LAMB1: variants seen among roughly 807,000 people sequenced by gnomAD.
LAMB1 encodes the protein laminin subunit beta-1.
LAMB1 carries 121 observed loss-of-function variants against 222.3 expected under a neutral mutation model. That is an observed-to-expected ratio of 0.54 (90% confidence interval 0.47 to 0.63). The LOEUF (loss-of-function observed/expected upper bound fraction) is 0.63. Ranked by LOEUF, LAMB1 falls within the 30% of genes least tolerant of loss-of-function variation. The pLI, the probability that LAMB1 is intolerant of heterozygous loss-of-function variation, is 0.00. For synonymous variants in LAMB1, 794 were observed against 807.2 expected (o/e 0.98, Z 0.28); for missense variants, 2,172 against 2,240.8 (o/e 0.97, Z 0.62).
At chr7:107,933,040 G>C (rs565432492) in intron 27 of LAMB1, among the ~76,000 whole-genome samples, 1 of 152,266 alleles carries the variant, frequency 6.6e-6, no homozygotes, top group South Asian at 2.1e-4. Flanking sequence ...ACAAACAAAG[G>C]AACAAAGGTA....
At chr7:107,976,505 C>T (rs575110470) in intron 9 of LAMB1, among the ~76,000 whole-genome samples, 5 of 152,296 alleles carry the variant, frequency 3.3e-5, no homozygotes, top group African/African-American at 7.2e-5. Context: ...ATCTCGCTCT[C>T]GGGCTTAACA....
chr7:108,001,654 C>G lies in LAMB1; in HGVS notation c.117G>C (p.Thr39=), dbSNP rs775159202. Residue 39 remains threonine, a synonymous_variant, in exon 3 of 34, where the codon ACG becomes ACC. Transcript: ENST00000222399. ...GTGCTCGGCCGATGAGAAGGTCGCC[C>G]GTGGCGGGATAGCAGCTGCCTTCTG... ...GCAEGSCYPA[T]GDLLIGRAQK... 1.2e-6 allele frequency: 2 copies of G among 1,612,642 alleles called. No individual in the cohort carries two copies. Among genetic ancestry groups the G allele is most frequent in the Non-Finnish European group, 1.7e-6 (2 of 1,179,824 alleles).
Position 107,955,476 on chromosome 7 carries a change from C to T in LAMB1, c.2845G>A (p.Gly949Arg), listed in dbSNP as rs768457739. Residue 949 changes from glycine (G) to arginine (R), a missense_variant, in exon 21 of 34, where the codon GGA (glycine) becomes AGA (arginine). Gly to Arg is a moderately radical substitution (Grantham distance 125). Transcript: ENST00000222399. ...TATGCACACGACTTACCAATGTATC[C>T]AGGATCACAAACACAGGCAAGCTGT... The part of the protein sequence containing the change: ...TLQLACVCDP[G>R]YIGSRCDDCA... The T allele has an allele frequency of 6.2e-7, 1 of 1,613,672 alleles. No individual in the cohort carries two copies. The highest frequency in any genetic ancestry group is 1.1e-5 in the South Asian group (1 of 91,008).
At chr7:107,936,432 C>T (rs1349945518) in intron 26 of LAMB1, 1 of 152,194 alleles carries the variant, frequency 6.6e-6, no homozygotes, top group Non-Finnish European at 1.5e-5. Context: ...GGAGGATATG[C>T]ATAGGTTATA....
At chr7:107,932,098 T>A in intron 28 of LAMB1, 76 bp downstream of exon 28, 1 of 1,285,618 alleles carries the variant, frequency 7.8e-7, no homozygotes, top group South Asian at 1.2e-5. Flanking sequence ...AGAATTGATT[T>A]CTCCCTTTCA....
At chr7:107,997,975 A>G (rs1378742850) in intron 4 of LAMB1, among the ~76,000 whole-genome samples, 1 of 152,164 alleles carries the variant, frequency 6.6e-6, no homozygotes, top group Non-Finnish European at 1.5e-5. Flanking sequence ...AGTGGGGGCT[A>G]TGATTCTGCC....
chr7:107,953,634 T>C lies in LAMB1; in HGVS notation c.2975A>G (p.Lys992Arg). The C allele has an allele frequency of 1.2e-6, 2 of 1,614,180 alleles. No homozygotes were observed. The highest frequency in any genetic ancestry group is 1.7e-5 in the Admixed American group (1 of 60,024). Residue 992 changes from lysine (K) to arginine (R), a missense_variant, in exon 22 of 34, where the codon AAG (lysine) becomes AGG (arginine). Transcript: ENST00000222399. ...GCACTTGAGACACCTCCCAGTCTCCTTGTCACAGGCTTCTGGGTCTGTCGT... is the reference window on the plus strand; with the variant it reads ...GCACTTGAGACACCTCCCAGTCTCCCTGTCACAGGCTTCTGGGTCTGTCGT... ...IDTTDPEACD[K>R]ETGRCLKCLY... is the part of the protein sequence containing the mutation.
At chr7:107,961,416 G>A (rs901015644) in intron 16 of LAMB1, 87 bp from the exon 17 acceptor site, 9 of 1,578,338 alleles carry the variant, frequency 5.7e-6, no homozygotes, top group Middle Eastern at 1.7e-4. Context: ...GCTCTGCATC[G>A]ATAATTCCAA....
chr7:107,941,260 A>C (rs1235849398), intron 24 of LAMB1, among the ~76,000 whole-genome samples: 2 of 152,206 alleles, frequency 1.3e-5, no homozygotes, highest in Non-Finnish European at 2.9e-5. Context: ...TAGATTCCCA[A>C]ATTTCAGGTG....
chr7:107,959,520 CA>C, intron 19 of LAMB1, 40 bp from the exon 20 acceptor site: 3 of 1,610,358 alleles, frequency 1.9e-6, no homozygotes, highest in Non-Finnish European at 2.5e-6. Context: ...TTGAGAAACT[CA>C]TTCAATGGAA....
intron 7 of LAMB1, among the ~76,000 whole-genome samples, chr7:107,983,707 G>A (rs1039540340): frequency 7.9e-5 from 12 of 151,892 alleles, no homozygotes; most frequent in East Asian, 1.9e-4. Context: ...TAGTAGAGAC[G>A]GGGTTTCACC....
rs755708573 is a variant in LAMB1 at position 107,940,048 on chromosome 7, C to A, written c.3702G>T (p.Leu1234=). ...GTGGCTCTGCTGCGGGGCTCTGCGC[C>A]AGGATGTCTTTTATCTCGCTGACTT... ...ERKVSEIKDI[L]AQSPAAEPLK... Residue 1234 remains leucine, a synonymous_variant, in exon 25 of 34, where the codon CTG becomes CTT. Transcript: ENST00000222399. 6.2e-7 allele frequency: 1 copy of A among 1,614,170 alleles called. No individual in the cohort carries two copies. Among genetic ancestry groups the A allele is most frequent in the East Asian group, 2.2e-5 (1 of 44,884 alleles).
chr7:107,940,435 CACTT>C (rs2032954632), intron 24 of LAMB1, 77 bp from the exon 25 acceptor site: 4 of 1,447,862 alleles, frequency 2.8e-6, no homozygotes, highest in South Asian at 1.3e-5. Context: ...TTAGAATACT[CACTT>C]CACTGTGAAA....
intron 24 of LAMB1, among the ~76,000 whole-genome samples, chr7:107,944,181 G>A (rs2033060438): frequency 6.6e-6 from 1 of 152,150 alleles, no homozygotes; most frequent in Admixed American, 6.5e-5. Context: ...TTCATGCTTG[G>A]GGCAAGGGAT....
At chr7:107,947,018 G>A (rs2033130786) in intron 24 of LAMB1, among the ~76,000 whole-genome samples, 1 of 152,100 alleles carries the variant, frequency 6.6e-6, no homozygotes, top group Non-Finnish European at 1.5e-5. Context: ...TCAACAGAAA[G>A]ATTCCTCCTG....
chr7:107,959,817 G>A lies in LAMB1; in HGVS notation c.2332C>T (p.Gln778Ter). 6.2e-7 allele frequency: 1 copy of A among 1,613,358 alleles called. No homozygotes were observed. ...QTGLACECDP[Q>*]GSLSSVCDPN... is the part of the protein sequence containing the mutation. ...TCACACACGGAACTTAACGAACCCT[G>A]AGGGTCGCATTCACAAGCTGTGGGT... The change falls in exon 19 of 34, where the codon CAG becomes TAG. Residue 778 changes from glutamine to a stop codon, truncating the protein, a stop_gained. Transcript: ENST00000222399. LOFTEE classifies it high-confidence loss of function.
intron 13 of LAMB1, among the ~76,000 whole-genome samples, chr7:107,972,783 C>T (rs2033774877): frequency 6.6e-6 from 1 of 152,130 alleles, no homozygotes; most frequent in Non-Finnish European, 1.5e-5. Context: ...ACCTAACATT[C>T]TCTATTAAAA....
At chr7:107,960,683 C>G (rs758504457) in intron 17 of LAMB1, 34 bp from the exon 18 acceptor site, 1 of 1,578,014 alleles carries the variant, frequency 6.3e-7, no homozygotes, top group African/African-American at 1.3e-5. Context: ...AACATCCTTA[C>G]AGTGGTGCCC....
At position 107,959,821 on chromosome 7, in the gene LAMB1, G is replaced by T; in HGVS notation, c.2328C>A (p.Asp776Glu). Residue 776 changes from aspartate (D) to glutamate (E), a missense_variant, in exon 19 of 34, where the codon GAC becomes GAA. Physicochemically the swap from Asp to Glu is conservative, Grantham distance 45 (BLOSUM62 2). Coordinates refer to ENST00000222399, the MANE Select transcript of LAMB1 (RefSeq NM_002291.3). ...ACACGGAACTTAACGAACCCTGAGG[G>T]TCGCATTCACAAGCTGTGGGTAAAG... ...LHQTGLACEC[D>E]PQGSLSSVCD... 6.2e-7 allele frequency: 1 copy of T among 1,613,060 alleles called. No individual in the cohort carries two copies. Among genetic ancestry groups the T allele is most frequent in the Non-Finnish European group, 8.5e-7 (1 of 1,179,480 alleles).
Sources: allele counts gnomAD v4.1 joint callset (sites outside exome capture counted in the v4.1 genomes callset), GRCh38; gene constraint gnomAD v4.1.1; transcripts MANE v1.5; gene names NCBI Gene and HGNC (gene_info 2026-07-23, HGNC 2026-07-21).